The following ATRNL1 variants were observed in gnomAD, a reference collection of about 807,000 sequenced individuals.
The protein encoded by ATRNL1 is attractin-like protein 1.
Under a neutral mutation model 182.7 loss-of-function variants are expected in ATRNL1, and 95 were observed. That is an observed-to-expected ratio of 0.52 (90% CI 0.44 to 0.62). The LOEUF is 0.62. Ranked by LOEUF, ATRNL1 falls within the 20% of genes least tolerant of loss-of-function variation. The pLI is 0.00. For missense variants in ATRNL1, 1,471 were observed against 1,679.5 expected (o/e 0.88, Z 2.17); for synonymous variants, 576 against 568.3 (o/e 1.01, Z -0.19).
chr10:115,189,699 A>C (rs549497843), intron 8 of ATRNL1, among the ~76,000 whole-genome samples: 1 of 152,278 alleles, frequency 6.6e-6, no homozygotes, highest in East Asian at 1.9e-4. Flanking sequence ...AAAGTTTATA[A>C]GTAAAAATTT....
chr10:115,473,575 A>T (rs550019063), intron 24 of ATRNL1, among the ~76,000 whole-genome samples: 6 of 151,334 alleles, frequency 4.0e-5, no homozygotes, highest in African/African-American at 1.4e-4. Flanking sequence ...GTGTCAGGGA[A>T]ATGCTTGCCT....
At position 115,465,852 on chromosome 10, in the gene ATRNL1, A is replaced by G. The variant is rs999945348; in HGVS notation, c.3418-1322A>G. On this transcript the variant is annotated intron_variant, in intron 22 of 28. Coordinates refer to ENST00000355044, the MANE Select transcript of ATRNL1 (RefSeq NM_207303.4). The stretch of plus-strand genomic sequence containing the variant: ...ATTTTATTTTACATGCTCTTTCAAG[A>G]TGATCATTCTTTTTGAAATCTTATT... 2.6e-5 allele frequency among the ~76,000 whole-genome samples: 4 copies of G among 151,578 alleles called. No homozygotes were observed. The Admixed American group carries it at 2.6e-4, about 10-fold the overall frequency.
intron 1 of ATRNL1, among the ~76,000 whole-genome samples, chr10:115,109,253 C>T (rs1844157254): frequency 6.6e-6 from 1 of 152,106 alleles, no homozygotes. Flanking sequence ...GTGTTCTATG[C>T]TTCAATACCA....
At chr10:115,225,064 G>A (rs12241197) in intron 9 of ATRNL1, among the ~76,000 whole-genome samples, 1,987 of 152,174 alleles carry the variant, frequency 0.013, 39 homozygotes, top group African/African-American at 0.046. Context: ...TGAAAAGGAT[G>A]TTACAGGTAA....
At chr10:115,605,583 T>C (rs1856831730) in intron 26 of ATRNL1, among the ~76,000 whole-genome samples, 3 of 152,206 alleles carry the variant, frequency 2.0e-5, no homozygotes, top group South Asian at 4.1e-4. Context: ...CAACTTACAG[T>C]ATTTTCAATT....
rs112706670 is a variant in ATRNL1 at position 115,599,713 on chromosome 10, G to A, written c.3795+50177G>A. Among the ~76,000 whole-genome samples, 77 of 152,268 alleles carry A rather than the reference G, an allele frequency of 5.1e-4. 1 individual carries two copies. Among genetic ancestry groups the A allele is most frequent in the African/African-American group, 1.8e-3 (76 of 41,574 alleles). ...GAAATTTGGAATGACTAACAAAATA[G>A]TTTTGACTTAGTTGTATCCTCAAAA... On this transcript the variant is annotated intron_variant, in intron 26 of 28. Transcript: ENST00000355044.
chr10:115,713,154 A>G (rs1947115056), intron 26 of ATRNL1, among the ~76,000 whole-genome samples: 1 of 152,140 alleles, frequency 6.6e-6, no homozygotes, highest in Admixed American at 6.5e-5. Flanking sequence ...CAATTCAGAG[A>G]CAATCTAAGA....
At chr10:115,874,881 C>A (rs567616022) in intron 28 of ATRNL1, among the ~76,000 whole-genome samples, 1 of 152,248 alleles carries the variant, frequency 6.6e-6, no homozygotes, top group East Asian at 1.9e-4. Flanking sequence ...AATTGGGAAA[C>A]CATTTTGGAT....
chr10:115,346,578 C>T (rs1254014858), intron 19 of ATRNL1, among the ~76,000 whole-genome samples: 2 of 152,164 alleles, frequency 1.3e-5, no homozygotes, highest in Non-Finnish European at 2.9e-5. Context: ...ACTTGAGTTG[C>T]TTCCACCTTT....
At chr10:115,452,573 A>G (rs547053733) in intron 21 of ATRNL1, among the ~76,000 whole-genome samples, 2 of 152,284 alleles carry the variant, frequency 1.3e-5, no homozygotes, top group East Asian at 3.9e-4. Context: ...GAAAAACTGT[A>G]CACAATAAAT....
rs10546896 is a variant in ATRNL1, at chr10:115,738,126, ATTTTTT to A, written c.3903+10796_3903+10801del. ...ATAAAAAATGATTTAGAAGATAATGATTTTTTTTTTTTTTTTTTTTTTTTTTTTTTG... is the reference window on the plus strand; with the variant it reads ...ATAAAAAATGATTTAGAAGATAATGATTTTTTTTTTTTTTTTTTTTTTTTG... On this transcript the variant is annotated intron_variant, in intron 27 of 28. Transcript: ENST00000355044. 9.6e-3 allele frequency among the ~76,000 whole-genome samples: 452 copies of A among 47,068 alleles called. 5 individuals carry two copies. Among genetic ancestry groups the A allele is most frequent in the Non-Finnish European group, 0.01 (247 of 24,180 alleles). 30.9% of individuals were successfully genotyped at this position (47,068 alleles called of 152,430 possible).
chr10:115,714,054 A>G (rs1020725345), intron 26 of ATRNL1, among the ~76,000 whole-genome samples: 1 of 152,202 alleles, frequency 6.6e-6, no homozygotes, highest in Admixed American at 6.5e-5. Flanking sequence ...GCATTTGCAT[A>G]GTAAATGGCA....
intron 24 of ATRNL1, among the ~76,000 whole-genome samples, chr10:115,494,144 G>T (rs999349850): frequency 1.3e-5 from 2 of 151,944 alleles, no homozygotes; most frequent in Admixed American, 6.6e-5. Flanking sequence ...GTCAATTTTT[G>T]TTTTTGTTGC....
At chr10:115,156,064 T>C (rs1554881964) in intron 5 of ATRNL1, among the ~76,000 whole-genome samples, 2 of 152,146 alleles carry the variant, frequency 1.3e-5, no homozygotes, top group Non-Finnish European at 2.9e-5. Context: ...ATTACCCCTC[T>C]AGTTATCTAT....
At chr10:115,545,729 G>A (rs1852616693) in intron 25 of ATRNL1, among the ~76,000 whole-genome samples, 1 of 152,158 alleles carries the variant, frequency 6.6e-6, no homozygotes, top group Non-Finnish European at 1.5e-5. Flanking sequence ...TGGTATTTAA[G>A]TTGTATCTAC....
At chr10:115,570,812 C>T (rs1482114042) in intron 26 of ATRNL1, among the ~76,000 whole-genome samples, 1 of 152,142 alleles carries the variant, frequency 6.6e-6, no homozygotes, top group African/African-American at 2.4e-5. Flanking sequence ...TAAAGGCATC[C>T]TCAGGGAGAG....
At chr10:115,940,409 G>C (rs1422972819) in intron 28 of ATRNL1, among the ~76,000 whole-genome samples, 1 of 152,190 alleles carries the variant, frequency 6.6e-6, no homozygotes, top group Admixed American at 6.5e-5. Flanking sequence ...TAGCAGGCTG[G>C]CTTCCTGGGC....
chr10:115,408,424 G>A (rs188783550), intron 20 of ATRNL1, among the ~76,000 whole-genome samples: 72 of 152,272 alleles, frequency 4.7e-4, no homozygotes, highest in South Asian at 1.2e-3. Context: ...CAATTAGATC[G>A]TTTGTTTTCT....
At chr10:115,400,687 A>G (rs1554956768) in intron 20 of ATRNL1, among the ~76,000 whole-genome samples, 1 of 152,148 alleles carries the variant, frequency 6.6e-6, no homozygotes, top group Non-Finnish European at 1.5e-5. Context: ...ACCCTTTACC[A>G]TTATGTAATG....
Sources: allele counts gnomAD v4.1 joint callset (sites outside exome capture counted in the v4.1 genomes callset), GRCh38; gene constraint gnomAD v4.1.1; transcripts MANE v1.5; gene names NCBI Gene and HGNC (gene_info 2026-07-23, HGNC 2026-07-21).